AUTS2: variants seen among roughly 807,000 people sequenced by gnomAD.
The protein encoded by AUTS2 is activator of transcription and developmental regulator AUTS2.
In AUTS2, 17 loss-of-function variants were observed where a neutral mutation model predicts 112.4. That is an observed-to-expected ratio of 0.15 (90% confidence interval 0.10 to 0.23). The LOEUF is 0.23. AUTS2 is among the 10% of genes least tolerant of loss of function. AUTS2 has a pLI of 1.00. For synonymous variants in AUTS2, 751 were observed against 702.7 expected (o/e 1.07, Z -1.09); for missense variants, 1,510 against 1,701.6 (o/e 0.89, Z 1.98).
At chr7:69,958,649 C>G (rs1797312041) in intron 2 of AUTS2, among the ~76,000 whole-genome samples, 1 of 152,174 alleles carries the variant, frequency 6.6e-6, no homozygotes, top group Non-Finnish European at 1.5e-5. Context: ...CAGATAGTCA[C>G]TCTGCAACTA....
intron 2 of AUTS2, among the ~76,000 whole-genome samples, chr7:70,074,302 G>A (rs1002858662): frequency 2.0e-5 from 3 of 152,136 alleles, no homozygotes; most frequent in Admixed American, 2.0e-4. Flanking sequence ...TTCGATATCT[G>A]TAAGTTTTCC....
At chr7:70,620,412 ATGC>A (rs1804609652) in intron 5 of AUTS2, among the ~76,000 whole-genome samples, 2 of 152,148 alleles carry the variant, frequency 1.3e-5, no homozygotes, top group South Asian at 4.1e-4. Flanking sequence ...AAGGAGTCCT[ATGC>A]TGAAGACCAC....
intron 14 of AUTS2, among the ~76,000 whole-genome samples, chr7:70,780,891 CAATT>C (rs936982003): frequency 9.2e-5 from 14 of 152,144 alleles, no homozygotes; most frequent in South Asian, 2.1e-4. Context: ...ATTAAACAAA[CAATT>C]AATTTATACA....
At chr7:70,579,243 C>CAAAAAAAAAAAAAAAAAAAAAAAAAAAA (rs1802316888) in intron 5 of AUTS2, among the ~76,000 whole-genome samples, 1 of 7,916 alleles carries the variant, frequency 1.3e-4, no homozygotes, top group African/African-American at 4.1e-4. Flanking sequence ...ATTCTCTTTT[C>CAAAAAAAAAAAAAAAAAAAAAAAAAAAA]TAAAAAAAAA....
intron 4 of AUTS2, among the ~76,000 whole-genome samples, chr7:70,345,899 A>G (rs1791473664): frequency 6.6e-6 from 1 of 152,192 alleles, no homozygotes; most frequent in African/African-American, 2.4e-5. Flanking sequence ...TGACACCATC[A>G]GCAAATATCC....
chr7:70,568,327 A>C (rs1163110804), intron 5 of AUTS2, among the ~76,000 whole-genome samples: 1 of 152,176 alleles, frequency 6.6e-6, no homozygotes, highest in Non-Finnish European at 1.5e-5. Flanking sequence ...TCTGTATCTC[A>C]GGTTTTAATC....
rs949039288 is a variant in AUTS2 at position 70,182,546 on chromosome 7, T to A, written c.660+47975T>A. On this transcript the variant is annotated intron_variant, in intron 4 of 18. Transcript: ENST00000342771. ...ATAATAATTTATAATCAAATCGAAC[T>A]GAATGGATCATTTGGTTCTCAGCTT... Among the ~76,000 whole-genome samples, 9 of 152,204 alleles carry A rather than the reference T, an allele frequency of 5.9e-5. 1 individual carries two copies. Among genetic ancestry groups the A allele is most frequent in the Admixed American group, 5.9e-4 (9 of 15,282 alleles).
chr7:70,077,220 G>GT (rs35460566), intron 2 of AUTS2, among the ~76,000 whole-genome samples: 15,509 of 152,204 alleles, frequency 0.1, 839 homozygotes, highest in Admixed American at 0.13. Context: ...TTGTGGGGAT[G>GT]TTGTGAGAGA....
At chr7:70,283,556 A>G (rs1304135465) in intron 4 of AUTS2, among the ~76,000 whole-genome samples, 1 of 152,184 alleles carries the variant, frequency 6.6e-6, no homozygotes, top group East Asian at 1.9e-4. Context: ...ATGTGTATAT[A>G]TGTATGTATA....
chr7:70,173,955 C>T lies in AUTS2; in HGVS notation c.660+39384C>T, dbSNP rs535554599. Among the ~76,000 whole-genome samples, 4 of 152,236 alleles carry T rather than the reference C, an allele frequency of 2.6e-5. No individual in the cohort carries two copies. In the East Asian group the frequency reaches 7.7e-4, roughly 29 times the overall value. On this transcript the variant is annotated intron_variant, in intron 4 of 18. Transcript: ENST00000342771. ...GGTCAGTTAATAACACTACACTGGA[C>T]TCTAAGTGTTTGAGTGAAAAAAGAG...
intron 6 of AUTS2, among the ~76,000 whole-genome samples, chr7:70,731,318 TA>T (rs1172084303): frequency 6.7e-6 from 1 of 150,094 alleles, no homozygotes; most frequent in African/African-American, 2.5e-5. Context: ...AAGAAGATAC[TA>T]TTTTTTTTTT....
intron 2 of AUTS2, among the ~76,000 whole-genome samples, chr7:69,920,230 C>G (rs1028323521): frequency 6.6e-6 from 1 of 151,858 alleles, no homozygotes. Context: ...AACCCATGTT[C>G]CTAGATGTAT....
At chr7:70,545,073 A>G (rs1157914652) in intron 5 of AUTS2, among the ~76,000 whole-genome samples, 2 of 152,196 alleles carry the variant, frequency 1.3e-5, no homozygotes, top group Non-Finnish European at 2.9e-5. Flanking sequence ...CATCCAAGAC[A>G]GTGATTCGGG....
intron 1 of AUTS2, among the ~76,000 whole-genome samples, chr7:69,893,235 T>G (rs1436736606): frequency 6.6e-6 from 1 of 152,242 alleles, no homozygotes; most frequent in Non-Finnish European, 1.5e-5. Context: ...GATAGTAGTC[T>G]TCTCTACTTT....
intron 2 of AUTS2, among the ~76,000 whole-genome samples, chr7:69,994,675 G>A (rs377080212): frequency 1.3e-5 from 2 of 152,054 alleles, no homozygotes; most frequent in African/African-American, 4.8e-5. Context: ...TTAACATTTC[G>A]GGTAACAGAT....
At chr7:69,748,320 G>A (rs992989560) in intron 1 of AUTS2, among the ~76,000 whole-genome samples, 3 of 152,138 alleles carry the variant, frequency 2.0e-5, no homozygotes, top group African/African-American at 4.8e-5. Context: ...TTTTTGAAAG[G>A]GCTAGGGTAG....
chr7:70,361,160 T>C (rs1792243191), intron 4 of AUTS2, among the ~76,000 whole-genome samples: 1 of 152,020 alleles, frequency 6.6e-6, no homozygotes, highest in South Asian at 2.1e-4. Context: ...AGTGAAACCC[T>C]GTCTCTACTA....
chr7:70,525,727 C>A (rs1799812627), intron 5 of AUTS2, among the ~76,000 whole-genome samples: 1 of 152,232 alleles, frequency 6.6e-6, no homozygotes, highest in Non-Finnish European at 1.5e-5. Context: ...ATGGAAAAGT[C>A]TTCCCTATGA....
At chr7:69,940,765 A>T (rs1242672293) in intron 2 of AUTS2, among the ~76,000 whole-genome samples, 1 of 152,154 alleles carries the variant, frequency 6.6e-6, no homozygotes, top group Non-Finnish European at 1.5e-5. Flanking sequence ...GTGAAGGAGG[A>T]TGGCAGCCTG....
Sources: allele counts gnomAD v4.1 joint callset (sites outside exome capture counted in the v4.1 genomes callset), GRCh38; gene constraint gnomAD v4.1.1; transcripts MANE v1.5; gene names NCBI Gene and HGNC (gene_info 2026-07-23, HGNC 2026-07-21).